Variants in HDAC9 observed in about 807,000 individuals in gnomAD.
The protein encoded by HDAC9 is histone deacetylase 9.
Under a neutral mutation model 139.4 loss-of-function variants are expected in HDAC9, and 41 were observed. That is an observed-to-expected ratio of 0.29 (90% CI 0.23 to 0.38). HDAC9 has a LOEUF of 0.38. HDAC9 is among the 10% of genes least tolerant of loss of function. The pLI, the probability that HDAC9 is intolerant of heterozygous loss-of-function variation, is 1.00. For missense variants in HDAC9, 1,147 were observed against 1,297.0 expected, an observed-to-expected ratio of 0.88 and a Z score of 1.78; for synonymous variants, 517 against 476.2, an observed-to-expected ratio of 1.09 and a Z score of -1.12.
intron 2 of HDAC9, among the ~76,000 whole-genome samples, chr7:18,582,826 A>T (rs1020168655): frequency 1.3e-5 from 2 of 152,200 alleles, no homozygotes; most frequent in Non-Finnish European, 2.9e-5. Flanking sequence ...ACGTATTACC[A>T]AATTGGTTTT....
intron 23 of HDAC9, among the ~76,000 whole-genome samples, chr7:18,946,295 A>G (rs941839173): frequency 6.6e-6 from 1 of 152,106 alleles, no homozygotes; most frequent in Non-Finnish European, 1.5e-5. Context: ...GCATTTTTAT[A>G]TAAAATTTTA....
At chr7:18,965,324 A>G (rs1783775279) in intron 24 of HDAC9, among the ~76,000 whole-genome samples, 1 of 152,264 alleles carries the variant, frequency 6.6e-6, no homozygotes, top group African/African-American at 2.4e-5. Flanking sequence ...CTAATGCAAC[A>G]TTCAATGCAT....
chr7:18,916,176 G>C (rs763447332), intron 22 of HDAC9, among the ~76,000 whole-genome samples: 79 of 152,018 alleles, frequency 5.2e-4, no homozygotes, highest in Non-Finnish European at 1.0e-3. Flanking sequence ...GTGTTTGAAA[G>C]TGTACTAGCG....
At chr7:18,377,855 A>T (rs1423239784) in intron 1 of HDAC9, among the ~76,000 whole-genome samples, 2 of 152,108 alleles carry the variant, frequency 1.3e-5, no homozygotes, top group Non-Finnish European at 2.9e-5. Context: ...TATTTTTATT[A>T]TTTTTCCTTT....
intron 12 of HDAC9, chr7:18,666,875 G>A (rs1795022805): frequency 9.9e-7 from 1 of 1,012,844 alleles, no homozygotes; most frequent in African/African-American, 1.7e-5. Flanking sequence ...TAGTCTCCCA[G>A]TCTGATCAAT....
At chr7:18,137,441 T>A (rs1419987874) in intron 1 of HDAC9, among the ~76,000 whole-genome samples, 1 of 151,470 alleles carries the variant, frequency 6.6e-6, no homozygotes, top group African/African-American at 2.4e-5. Flanking sequence ...GGCTGTGGGT[T>A]TGTCATAGAT....
intron 22 of HDAC9, among the ~76,000 whole-genome samples, chr7:18,927,012 A>G (rs773521377): frequency 2.0e-5 from 3 of 152,234 alleles, no homozygotes; most frequent in Admixed American, 6.5e-5. Flanking sequence ...GAACTTGGAA[A>G]GAGTCCTGGG....
At chr7:18,177,491 G>C (rs1789017383) in intron 2 of HDAC9, among the ~76,000 whole-genome samples, 1 of 152,096 alleles carries the variant, frequency 6.6e-6, no homozygotes, top group African/African-American at 2.4e-5. Flanking sequence ...TCAACATGTA[G>C]AGCTGCTTAC....
chr7:18,591,437 G>C, intron 4 of HDAC9, 79 bp from the exon 5 acceptor site: 1 of 1,471,946 alleles, frequency 6.8e-7, no homozygotes, highest in East Asian at 2.5e-5. Context: ...AGGCATGAGA[G>C]GACAAAACTC....
intron 12 of HDAC9, among the ~76,000 whole-genome samples, chr7:18,671,396 C>G (rs1795669405): frequency 1.3e-5 from 2 of 152,050 alleles, no homozygotes; most frequent in Non-Finnish European, 2.9e-5. Context: ...TTTGAAGAGT[C>G]CGATTCAGAA....
chr7:18,952,446 T>C lies in HDAC9; in HGVS notation c.2938-1700T>C, dbSNP rs113424801. Among the ~76,000 whole-genome samples, 328 of 152,144 alleles carry C rather than the reference T, an allele frequency of 2.2e-3. 1 individual carries two copies. Among genetic ancestry groups the C allele is most frequent in the African/African-American group, 7.4e-3 (309 of 41,552 alleles). ...TACCCCAAAGTCACAGGGAAGCTTT[T>C]TGAAGAGCTAAATAAGCTGTCATCG... On this transcript the variant is annotated intron_variant, in intron 23 of 25. Coordinates refer to ENST00000686413, the MANE Select transcript of HDAC9 (RefSeq NM_178425.4).
At chr7:18,972,914 C>G (rs1304770228) in intron 24 of HDAC9, among the ~76,000 whole-genome samples, 5 of 152,168 alleles carry the variant, frequency 3.3e-5, no homozygotes, top group Non-Finnish European at 7.3e-5. Flanking sequence ...TGTATCATTT[C>G]CAAAGATTAT....
At chr7:18,442,327 A>C (rs534261254) in intron 1 of HDAC9, among the ~76,000 whole-genome samples, 1 of 152,248 alleles carries the variant, frequency 6.6e-6, no homozygotes, top group East Asian at 1.9e-4. Flanking sequence ...TACAAGATAC[A>C]TTATTTTGTT....
intron 24 of HDAC9, among the ~76,000 whole-genome samples, chr7:18,973,138 A>T (rs1442009375): frequency 1.3e-5 from 2 of 152,212 alleles, no homozygotes; most frequent in African/African-American, 4.8e-5. Flanking sequence ...TTGCCTAAAT[A>T]GTTGTCACCA....
At chr7:18,478,870 T>A (rs987405112) in intron 1 of HDAC9, among the ~76,000 whole-genome samples, 1 of 152,186 alleles carries the variant, frequency 6.6e-6, no homozygotes, top group African/African-American at 2.4e-5. Context: ...ATTTTCAATT[T>A]TCTGATTACT....
At chr7:18,966,859 T>C (rs1419420564) in intron 24 of HDAC9, among the ~76,000 whole-genome samples, 1 of 151,842 alleles carries the variant, frequency 6.6e-6, no homozygotes, top group Non-Finnish European at 1.5e-5. Flanking sequence ...TGTCAATTAT[T>C]ATACATTGCA....
chr7:18,820,778 TC>T (rs1794906724), intron 17 of HDAC9, among the ~76,000 whole-genome samples: 2 of 152,170 alleles, frequency 1.3e-5, no homozygotes, highest in East Asian at 1.9e-4. Flanking sequence ...AGGACATTAA[TC>T]GTGTAATAAA....
chr7:18,284,440 C>T (rs1295110267), intron 2 of HDAC9, among the ~76,000 whole-genome samples: 1 of 152,068 alleles, frequency 6.6e-6, no homozygotes, highest in Non-Finnish European at 1.5e-5. Context: ...TGTGCTTTTA[C>T]CCAATTTTCC....
At chr7:18,837,759 C>A (rs796289193) in intron 21 of HDAC9, among the ~76,000 whole-genome samples, 1 of 152,122 alleles carries the variant, frequency 6.6e-6, no homozygotes, top group African/African-American at 2.4e-5. Flanking sequence ...TTCTAAAGAA[C>A]CTCTTTGAAC....
Sources: gnomAD v4.1 joint callset for allele counts (sites outside exome capture counted in the v4.1 genomes callset) on GRCh38, gnomAD v4.1.1 for gene constraint, MANE v1.5 for transcripts, NCBI Gene and HGNC (gene_info 2026-07-23, HGNC 2026-07-21) for gene names.